Variants in TGFBR3 observed in about 807,000 individuals in gnomAD.
TGFBR3 encodes the protein transforming growth factor beta receptor 3.
In TGFBR3, 46 loss-of-function variants were observed where a neutral mutation model predicts 87.9. The ratio of observed to expected loss-of-function variants is 0.52; its 90% CI spans 0.41 to 0.67. The LOEUF (loss-of-function observed/expected upper bound fraction) is 0.67, where lower values mean the gene tolerates loss of function less well. Among genes scored for constraint, TGFBR3 ranks in the 30% least tolerant of loss-of-function variants. TGFBR3 has a pLI of 0.00. For synonymous variants in TGFBR3, 381 were observed against 391.6 expected, an observed-to-expected ratio of 0.97 and a Z score of 0.32; for missense variants, 866 against 1,041.9, an observed-to-expected ratio of 0.83 and a Z score of 2.32.
intron 5 of TGFBR3, among the ~76,000 whole-genome samples, chr1:91,732,655 C>T (rs1672815933): frequency 6.6e-6 from 1 of 152,156 alleles, no homozygotes. Flanking sequence ...ACCTCCTTTC[C>T]CTACTGCTCC....
chr1:91,720,610 T>C (rs897637967), intron 8 of TGFBR3, among the ~76,000 whole-genome samples: 1 of 152,236 alleles, frequency 6.6e-6, no homozygotes, highest in Admixed American at 6.5e-5. Flanking sequence ...TCTGGGGTGG[T>C]ACCCAATCAT....
intron 2 of TGFBR3, among the ~76,000 whole-genome samples, chr1:91,846,587 A>C (rs1375891041): frequency 3.0e-5 from 4 of 134,886 alleles, no homozygotes; most frequent in Non-Finnish European, 6.8e-5. Flanking sequence ...TTCACCCTGA[A>C]GACATTTTTT....
chr1:91,801,722 G>A (rs1170050528), intron 2 of TGFBR3, among the ~76,000 whole-genome samples: 2 of 152,044 alleles, frequency 1.3e-5, no homozygotes, highest in Admixed American at 6.6e-5. Flanking sequence ...GTTGGGAGAG[G>A]GAGGCAATGC....
At chr1:91,760,885 G>C (rs537399981) in intron 3 of TGFBR3, among the ~76,000 whole-genome samples, 1 of 152,102 alleles carries the variant, frequency 6.6e-6, no homozygotes, top group Non-Finnish European at 1.5e-5. Context: ...TGAACAAAGA[G>C]ACACACACAC....
At chr1:91,753,257 G>A (rs2100877843) in intron 4 of TGFBR3, among the ~76,000 whole-genome samples, 1 of 151,488 alleles carries the variant, frequency 6.6e-6, no homozygotes. Context: ...GGTCATGTTG[G>A]CATGCACCTG....
At chr1:91,736,407 C>T (rs1672969089) in intron 4 of TGFBR3, among the ~76,000 whole-genome samples, 1 of 147,058 alleles carries the variant, frequency 6.8e-6, no homozygotes. Flanking sequence ...CTAATAAACT[C>T]GGTGTAAACC....
chr1:91,807,064 A>G (rs1176174328), intron 2 of TGFBR3, among the ~76,000 whole-genome samples: 1 of 152,234 alleles, frequency 6.6e-6, no homozygotes, highest in Non-Finnish European at 1.5e-5. Flanking sequence ...TGAGCTCACA[A>G]ACACGCCTGA....
intron 3 of TGFBR3, among the ~76,000 whole-genome samples, chr1:91,785,982 T>C (rs186541457): frequency 6.6e-6 from 1 of 152,190 alleles, no homozygotes; most frequent in East Asian, 1.9e-4. Context: ...CAGGCTGGTC[T>C]TGAACTCCTA....
At chr1:91,776,589 A>G (rs1363725603) in intron 3 of TGFBR3, among the ~76,000 whole-genome samples, 1 of 152,130 alleles carries the variant, frequency 6.6e-6, no homozygotes, top group African/African-American at 2.4e-5. Flanking sequence ...AAACAAATAA[A>G]ATGCCAGGTT....
intron 2 of TGFBR3, among the ~76,000 whole-genome samples, chr1:91,821,018 T>C (rs1214944703): frequency 6.6e-6 from 1 of 151,912 alleles, no homozygotes; most frequent in Non-Finnish European, 1.5e-5. Context: ...CAAAAGTAAT[T>C]GCAGTTTTTT....
At position 91,729,980 on chromosome 1, in the gene TGFBR3, G is replaced by A. The variant is rs1301711248; in HGVS notation, c.569-7C>T. 6.2e-7 allele frequency: 1 copy of A among 1,614,108 alleles called. No individual in the cohort carries two copies. The highest frequency in any genetic ancestry group is 1.1e-5 in the South Asian group (1 of 91,080). On this transcript the variant is annotated splice_polypyrimidine_tract_variant and splice_region_variant and intron_variant, in intron 5 of 16. Coordinates refer to ENST00000212355, the MANE Select transcript of TGFBR3 (RefSeq NM_003243.5). ...TTTGGAGGGAACACTTGATCTGAAA[G>A]AGGCACAGGACAATCTGTCAAACCA...
intron 1 of TGFBR3, among the ~76,000 whole-genome samples, chr1:91,885,538 G>C (rs558541783): frequency 5.3e-5 from 8 of 152,352 alleles, no homozygotes; most frequent in African/African-American, 1.7e-4. Context: ...CGCCCGGAGG[G>C]AAGTGGCCGC....
intron 16 of TGFBR3, 22 bp from the exon 17 acceptor site, chr1:91,683,879 C>T (rs1188006317): frequency 1.9e-6 from 3 of 1,566,908 alleles, no homozygotes; most frequent in South Asian, 2.3e-5. Flanking sequence ...AAAGAAAAGG[C>T]AGAGTCAGAG....
At chr1:91,868,584 A>G (rs1412513717) in intron 1 of TGFBR3, among the ~76,000 whole-genome samples, 1 of 152,186 alleles carries the variant, frequency 6.6e-6, no homozygotes, top group Non-Finnish European at 1.5e-5. Flanking sequence ...GCAGGGGTTC[A>G]GCTGGGGGCT....
intron 3 of TGFBR3, among the ~76,000 whole-genome samples, chr1:91,795,959 T>C (rs1301993843): frequency 1.3e-5 from 2 of 152,196 alleles, no homozygotes; most frequent in Admixed American, 6.5e-5. Context: ...TAACATCTCG[T>C]GCTTCTCCTC....
intron 3 of TGFBR3, among the ~76,000 whole-genome samples, chr1:91,778,391 G>C (rs1485975152): frequency 1.3e-5 from 2 of 151,796 alleles, no homozygotes; most frequent in Non-Finnish European, 2.9e-5. Context: ...GATCCAAATG[G>C]GTCTACACAT....
At chr1:91,836,698 T>C (rs970078688) in intron 2 of TGFBR3, among the ~76,000 whole-genome samples, 12 of 152,172 alleles carry the variant, frequency 7.9e-5, no homozygotes, top group African/African-American at 1.9e-4. Flanking sequence ...AACTTTACTA[T>C]AGTTTACCAA....
At chr1:91,750,187 T>G (rs1344564852) in intron 4 of TGFBR3, among the ~76,000 whole-genome samples, 1 of 152,276 alleles carries the variant, frequency 6.6e-6, no homozygotes, top group South Asian at 2.1e-4. Flanking sequence ...TCCTGGACAG[T>G]AGGTCTTCCT....
At chr1:91,903,018 C>G (rs1382434958) in intron 1 of TGFBR3, among the ~76,000 whole-genome samples, 2 of 130,772 alleles carry the variant, frequency 1.5e-5, no homozygotes, top group Non-Finnish European at 3.2e-5. Flanking sequence ...AGTCTTCTAG[C>G]ACCTCACTTA....
Sources: gnomAD v4.1 joint callset for allele counts (sites outside exome capture counted in the v4.1 genomes callset) on GRCh38, gnomAD v4.1.1 for gene constraint, MANE v1.5 for transcripts, NCBI Gene and HGNC (gene_info 2026-07-23, HGNC 2026-07-21) for gene names.